Variants in TSEN2 observed in about 807,000 individuals in gnomAD.
TSEN2 encodes the protein tRNA splicing endonuclease subunit 2.
In TSEN2, 54 loss-of-function variants were observed where a neutral mutation model predicts 59.2. The observed-to-expected ratio is 0.91, with a 90% confidence interval of 0.73 to 1.14. The LOEUF is 1.14. TSEN2 is among the 50% of genes most tolerant of loss of function. The pLI, the probability that TSEN2 is intolerant of heterozygous loss-of-function variation, is 0.00. For synonymous variants in TSEN2, 195 were observed against 198.2 expected, an observed-to-expected ratio of 0.98 and a Z score of 0.14; for missense variants, 636 against 576.2, an observed-to-expected ratio of 1.10 and a Z score of -1.06.
chr3:12,482,346 C>T (rs958619658), upstream of TSEN2, among the ~76,000 whole-genome samples: 4 of 152,146 alleles, frequency 2.6e-5, no homozygotes, highest in Non-Finnish European at 4.4e-5. Context: ...GTCTCGAACT[C>T]CCAACCTCAG....
At chr3:12,496,375 A>G (rs1313619619) in intron 3 of TSEN2, 143 bp from the exon 4 acceptor site, 4 of 839,790 alleles carry the variant, frequency 4.8e-6, no homozygotes, top group Non-Finnish European at 8.0e-6. Context: ...TAGAAAGCAT[A>G]TTTTTGCCAT....
chr3:12,527,765 C>T (rs1263388313), intron 8 of TSEN2, among the ~76,000 whole-genome samples: 1 of 152,172 alleles, frequency 6.6e-6, no homozygotes, highest in African/African-American at 2.4e-5. Context: ...GTAACTGCTT[C>T]CTGGTGGCTC....
chr3:12,490,125 G>A, intron 2 of TSEN2, 136 bp downstream of exon 2: 1 of 892,624 alleles, frequency 1.1e-6, no homozygotes. Context: ...TGGTCCAGTT[G>A]TAGGAAAAGT....
rs551722010 is a variant in TSEN2, at chr3:12,532,919, A to G, written c.*198A>G. The G allele has an allele frequency of 2.0e-4, 126 of 624,022 alleles. 1 individual carries two copies. In the South Asian group the frequency reaches 2.2e-3, roughly 11 times the overall value. 38.7% of individuals were successfully genotyped at this position (624,022 alleles called of 1,614,324 possible). A position where few individuals can be genotyped will look rare whatever the true frequency, so the allele number is the denominator to read the frequency against. Reference sequence around the variant, plus strand: ...TCCCTGTGCTAGGACTGCAGATTCTATACTTGCGTTGGCCTCTAACTCTCC... The same window carrying G: ...TCCCTGTGCTAGGACTGCAGATTCTGTACTTGCGTTGGCCTCTAACTCTCC... On this transcript the variant is annotated 3_prime_UTR_variant, in exon 12 of 12. Transcript: ENST00000284995.
At chr3:12,535,059 A>G (rs199766416), downstream of TSEN2, among the ~76,000 whole-genome samples, 10 of 152,240 alleles carry the variant, frequency 6.6e-5, no homozygotes, top group East Asian at 1.7e-3. Context: ...TAATCATTTT[A>G]CCTTTATTGT....
intron 3 of TSEN2, 79 bp from the exon 4 acceptor site, chr3:12,496,439 C>T (rs1229654055): frequency 1.4e-6 from 2 of 1,464,160 alleles, no homozygotes; most frequent in Middle Eastern, 1.7e-4. Flanking sequence ...TCTTAAAATT[C>T]TCAGTCTTTC....
At chr3:12,530,217 C>T (rs1294945563) in intron 10 of TSEN2, 2 of 1,080,074 alleles carry the variant, frequency 1.9e-6, no homozygotes, top group Non-Finnish European at 2.2e-6. Flanking sequence ...TTAACATTCA[C>T]TCATACACAT....
chr3:12,511,474 A>G (rs1373946826), intron 6 of TSEN2, among the ~76,000 whole-genome samples: 3 of 152,186 alleles, frequency 2.0e-5, no homozygotes, highest in Non-Finnish European at 4.4e-5. Context: ...AAAAAGACAA[A>G]GCTAAAATCC....
intron 6 of TSEN2, among the ~76,000 whole-genome samples, chr3:12,508,080 C>G (rs1453557859): frequency 6.6e-6 from 1 of 152,090 alleles, no homozygotes; most frequent in Non-Finnish European, 1.5e-5. Flanking sequence ...GTGGCAGTGA[C>G]CAGAGCTAGC....
intron 3 of TSEN2, among the ~76,000 whole-genome samples, chr3:12,493,655 A>G (rs1425895449): frequency 6.6e-6 from 1 of 152,222 alleles, no homozygotes; most frequent in African/African-American, 2.4e-5. Flanking sequence ...TGAACCCGAG[A>G]GGCAGAGGTT....
rs780584726 is a variant in TSEN2, at chr3:12,503,356, C to T, written c.403C>T (p.Pro135Ser). Residue 135 changes from proline to serine, a missense_variant, in exon 5 of 12, where the codon CCG becomes TCG. By Grantham distance (74) the Pro-to-Ser change is moderately conservative (BLOSUM62 -1). Transcript: ENST00000284995. ...CAGAATCCTCAAGGATTACACGAAACCGCTTGAGCATCCTCCTGTGAAAAG... is the reference window on the plus strand; with the variant it reads ...CAGAATCCTCAAGGATTACACGAAATCGCTTGAGCATCCTCCTGTGAAAAG... ...VRRILKDYTK[P>S]LEHPPVKRNE... 1.2e-6 allele frequency: 2 copies of T among 1,614,194 alleles called. No individual in the cohort carries two copies. The highest frequency in any genetic ancestry group is 1.7e-6 in the Non-Finnish European group (2 of 1,180,046).
rs200938326 is a variant in TSEN2 at position 12,503,824 on chromosome 3, C to T, written c.831+40C>T. The T allele has an allele frequency of 4.6e-5, 74 of 1,595,746 alleles. No individual in the cohort carries two copies. In the African/African-American group the frequency reaches 5.6e-4, roughly 12 times the overall value. On this transcript the variant is annotated intron_variant, in intron 5 of 11. Transcript: ENST00000284995. ...ATAAATCGCTTCCTCCAAAGCCATC[C>T]GTTCCTGGAGATGTTGGCTAATAGG...
chr3:12,489,757 T>C, intron 1 of TSEN2, 27 bp from the exon 2 acceptor site: 2 of 1,594,568 alleles, frequency 1.3e-6, no homozygotes, highest in Non-Finnish European at 1.7e-6. Context: ...TGTCTGTTTC[T>C]TTCTGTTTGT....
intron 7 of TSEN2, among the ~76,000 whole-genome samples, chr3:12,517,684 C>T (rs751435733): frequency 7.2e-5 from 11 of 152,140 alleles, no homozygotes; most frequent in African/African-American, 2.4e-4. Flanking sequence ...GTATTCCAGC[C>T]GTTTGGAAGC....
In TSEN2 at chr3:12,519,051, A is replaced by T; in HGVS notation, c.961-8A>T. ...TAATGCTTTTTGTTTTTTTGTAAAT[A>T]ACTTTAGGAGCCTTTAACGATAGTG... On this transcript the variant is annotated splice_region_variant and splice_polypyrimidine_tract_variant and intron_variant, in intron 7 of 11. Transcript: ENST00000284995. The T allele has an allele frequency of 1.2e-6, 2 of 1,614,152 alleles. No homozygotes were observed. Among genetic ancestry groups the T allele is most frequent in the Non-Finnish European group, 1.7e-6 (2 of 1,180,022 alleles).
chr3:12,515,410 G>A (rs1327418371), intron 6 of TSEN2, among the ~76,000 whole-genome samples: 2 of 152,210 alleles, frequency 1.3e-5, no homozygotes, highest in Non-Finnish European at 2.9e-5. Context: ...GTGTCTGCTG[G>A]AAGCAGCAGT....
At chr3:12,535,680 C>T (rs1483221370), downstream of TSEN2, among the ~76,000 whole-genome samples, 3 of 152,034 alleles carry the variant, frequency 2.0e-5, no homozygotes, top group Non-Finnish European at 4.4e-5. Flanking sequence ...TACAAGTGCC[C>T]GCCACCATGC....
intron 6 of TSEN2, among the ~76,000 whole-genome samples, chr3:12,509,204 G>A (rs574232560): frequency 9.1e-6 from 1 of 110,488 alleles, no homozygotes; most frequent in Non-Finnish European, 1.8e-5. Flanking sequence ...TTTTTTTGTT[G>A]TTGTTTTTTT....
In TSEN2 at chr3:12,528,802, T is replaced by G. The variant is rs1003380431; in HGVS notation, c.1100-86T>G. 3 of 1,442,266 alleles carry G rather than the reference T, an allele frequency of 2.1e-6. No individual in the cohort carries two copies. The African/African-American group carries it at 4.2e-5, about 20-fold the overall frequency. The allele number at this position is 1,442,266 out of a possible 1,614,324, so 89.3% of individuals were successfully genotyped here. On this transcript the variant is annotated intron_variant, in intron 8 of 11. Transcript: ENST00000284995. ...TTTGCTTCCTTTTGGAGAAGAAAAG[T>G]TAATAAAGCAAGCTTTTTGTTGAGT...
Sources: gnomAD v4.1 joint callset for allele counts (sites outside exome capture counted in the v4.1 genomes callset) on GRCh38, gnomAD v4.1.1 for gene constraint, MANE v1.5 for transcripts, NCBI Gene and HGNC (gene_info 2026-07-23, HGNC 2026-07-21) for gene names.